Variants in PCDH9 observed in about 807,000 individuals in gnomAD.
PCDH9 encodes the protein protocadherin-9.
In PCDH9, 24 loss-of-function variants were observed where a neutral mutation model predicts 70.6. That is an observed-to-expected ratio of 0.34 (90% CI 0.25 to 0.48). The LOEUF is 0.48. PCDH9 is among the 20% of genes least tolerant of loss of function. The pLI is 0.99. For synonymous variants in PCDH9, 562 were observed against 558.5 expected (o/e 1.01, Z -0.09); for missense variants, 1,281 against 1,503.6 (o/e 0.85, Z 2.45).
intron 4 of PCDH9, among the ~76,000 whole-genome samples, chr13:66,568,320 A>G (rs2076681179): frequency 6.6e-6 from 1 of 152,068 alleles, no homozygotes. Flanking sequence ...AAACAAATTT[A>G]TGTCATCTAA....
chr13:67,228,915 C>T (rs1593661905), intron 1 of PCDH9, among the ~76,000 whole-genome samples: 2 of 152,210 alleles, frequency 1.3e-5, no homozygotes, highest in South Asian at 4.1e-4. Flanking sequence ...TAACCTACCT[C>T]CCTCAGTCTT....
intron 3 of PCDH9, among the ~76,000 whole-genome samples, chr13:66,823,513 A>G (rs1243775462): frequency 1.3e-5 from 2 of 152,078 alleles, no homozygotes; most frequent in Non-Finnish European, 2.9e-5. Flanking sequence ...TATCATGAAC[A>G]TGCAGGCAAA....
intron 4 of PCDH9, among the ~76,000 whole-genome samples, chr13:66,342,606 A>G (rs1956147514): frequency 6.6e-6 from 1 of 151,980 alleles, no homozygotes; most frequent in South Asian, 2.1e-4. Flanking sequence ...GTCTGTCTCC[A>G]GAGTCCTTTT....
chr13:66,728,455 T>A (rs983585640), intron 3 of PCDH9, among the ~76,000 whole-genome samples: 2 of 152,188 alleles, frequency 1.3e-5, no homozygotes, highest in African/African-American at 4.8e-5. Context: ...ATAGTAGTGC[T>A]GACCATAATT....
At chr13:66,328,548 A>C (rs1955885402) in intron 4 of PCDH9, among the ~76,000 whole-genome samples, 1 of 152,148 alleles carries the variant, frequency 6.6e-6, no homozygotes, top group Non-Finnish European at 1.5e-5. Flanking sequence ...ATCCTCCCAG[A>C]CTGCTCTCAT....
intron 4 of PCDH9, among the ~76,000 whole-genome samples, chr13:66,502,600 G>A (rs1021205680): frequency 7.9e-5 from 12 of 151,954 alleles, no homozygotes; most frequent in Non-Finnish European, 1.3e-4. Context: ...GGATGTGAAG[G>A]CTACAGAAGT....
At chr13:66,993,711 A>G (rs886655389) in intron 2 of PCDH9, among the ~76,000 whole-genome samples, 4 of 152,256 alleles carry the variant, frequency 2.6e-5, no homozygotes, top group Non-Finnish European at 5.9e-5. Flanking sequence ...TCTGGTAAGA[A>G]TCCTGATTTA....
chr13:67,085,618 T>C (rs1158828033), intron 2 of PCDH9, among the ~76,000 whole-genome samples: 2 of 152,186 alleles, frequency 1.3e-5, no homozygotes, highest in Non-Finnish European at 2.9e-5. Flanking sequence ...AAGGGCAAGA[T>C]TTCTCAAACA....
chr13:66,889,989 T>C (rs114367396), intron 3 of PCDH9, among the ~76,000 whole-genome samples: 103 of 152,324 alleles, frequency 6.8e-4, no homozygotes, highest in African/African-American at 2.4e-3. Flanking sequence ...CTTGCTCTTC[T>C]TAACAATTCA....
intron 2 of PCDH9, among the ~76,000 whole-genome samples, chr13:67,198,749 T>TCC (rs1235327443): frequency 6.6e-6 from 1 of 151,928 alleles, no homozygotes; most frequent in Non-Finnish European, 1.5e-5. Context: ...TAATTCTGAA[T>TCC]TTATTTATGT....
At chr13:66,352,733 A>T (rs755896841) in intron 4 of PCDH9, among the ~76,000 whole-genome samples, 5 of 152,202 alleles carry the variant, frequency 3.3e-5, no homozygotes, top group Non-Finnish European at 7.3e-5. Flanking sequence ...GAGTGGATAC[A>T]AACATTTAGT....
intron 4 of PCDH9, among the ~76,000 whole-genome samples, chr13:66,530,674 A>T (rs921081096): frequency 6.6e-6 from 1 of 152,014 alleles, no homozygotes; most frequent in Admixed American, 6.6e-5. Flanking sequence ...TAAACATATG[A>T]TTAATATCAG....
At chr13:66,465,732 C>T (rs1230942473) in intron 4 of PCDH9, among the ~76,000 whole-genome samples, 2 of 151,640 alleles carry the variant, frequency 1.3e-5, no homozygotes, top group Non-Finnish European at 2.9e-5. Flanking sequence ...CTTTCATTAT[C>T]TACATAATGC....
At chr13:66,730,091 C>T (rs1262605251) in intron 3 of PCDH9, among the ~76,000 whole-genome samples, 1 of 152,190 alleles carries the variant, frequency 6.6e-6, no homozygotes, top group African/African-American at 2.4e-5. Flanking sequence ...CATTATACTA[C>T]TTCTGTAGAG....
intron 4 of PCDH9, among the ~76,000 whole-genome samples, chr13:66,392,471 C>T (rs143397948): frequency 3.3e-3 from 495 of 152,162 alleles, no homozygotes; most frequent in Middle Eastern, 0.01. Context: ...AATTAAAAGT[C>T]ATAATACTAC....
intron 4 of PCDH9, among the ~76,000 whole-genome samples, chr13:66,553,155 A>G (rs1404928595): frequency 6.6e-6 from 1 of 152,190 alleles, no homozygotes; most frequent in African/African-American, 2.4e-5. Context: ...TCAGGGAACT[A>G]TACCAGTCAA....
In PCDH9 at chr13:67,164,574, CA is replaced by C. The variant is rs56207174; in HGVS notation, c.3036+60830del. Among the ~76,000 whole-genome samples the C allele has an allele frequency of 8.3e-4, 114 of 137,182 alleles. No individual in the cohort carries two copies. In the South Asian group the frequency reaches 0.023, roughly 27 times the overall value. 90.0% of individuals were successfully genotyped at this position (137,182 alleles called of 152,430 possible). A position where few individuals can be genotyped will look rare whatever the true frequency, so the allele number is the denominator to read the frequency against. On this transcript the variant is annotated intron_variant, in intron 2 of 4. Transcript: ENST00000377865. ...GTGTGACAGAGCCAGACTCCATCTC[CA>C]AAAAAAAAAAAAAAAGAAAAAAAAG...
intron 3 of PCDH9, among the ~76,000 whole-genome samples, chr13:66,712,066 T>C (rs2078802388): frequency 6.6e-6 from 1 of 152,170 alleles, no homozygotes; most frequent in South Asian, 2.1e-4. Flanking sequence ...TACTTGTGAA[T>C]CTGAATTTTT....
chr13:66,345,701 A>T (rs1956202621), intron 4 of PCDH9, among the ~76,000 whole-genome samples: 1 of 152,198 alleles, frequency 6.6e-6, no homozygotes, highest in South Asian at 2.1e-4. Flanking sequence ...AGAGCAAGAA[A>T]GCTGCCTGCT....
Sources: gnomAD v4.1 joint callset for allele counts (sites outside exome capture counted in the v4.1 genomes callset) on GRCh38, gnomAD v4.1.1 for gene constraint, MANE v1.5 for transcripts, NCBI Gene and HGNC (gene_info 2026-07-23, HGNC 2026-07-21) for gene names.